Variants in RAB14 observed in about 807,000 individuals in gnomAD.
RAB14 encodes the protein ras-related protein Rab-14.
RAB14 carries 3 observed loss-of-function variants against 31.1 expected under a neutral mutation model. That is an observed-to-expected ratio of 0.10 (90% CI 0.04 to 0.25). RAB14 has a LOEUF of 0.25. Ranked by LOEUF, RAB14 falls within the 10% of genes least tolerant of loss-of-function variation. The probability of loss-of-function intolerance (pLI) is 1.00; values close to 1 mark genes in which losing one functional copy is unlikely to be tolerated. For synonymous variants in RAB14, 85 were observed against 84.9 expected (o/e 1.00, Z 0.00); for missense variants, 111 against 260.1 (o/e 0.43, Z 3.94).
At position 121,180,287 on chromosome 9, in the gene RAB14, T is replaced by A. The variant is rs1189694482; in HGVS notation, c.*1109A>T. ...TCTGACCATTCCAAGAAGATAAAGGTATAAAAGCTTAAAATGTGCAATAGT... is the reference window on the plus strand; with the variant it reads ...TCTGACCATTCCAAGAAGATAAAGGAATAAAAGCTTAAAATGTGCAATAGT... On this transcript the variant is annotated 3_prime_UTR_variant, in exon 8 of 8. Transcript: ENST00000373840. 6.6e-6 allele frequency: 1 copy of A among 152,610 alleles called. No homozygotes were observed. The allele number at this position is 152,610 out of a possible 1,614,324, so 9.5% of individuals were successfully genotyped here.
chr9:121,189,587 T>G (rs183441812), intron 4 of RAB14, among the ~76,000 whole-genome samples: 4 of 152,218 alleles, frequency 2.6e-5, no homozygotes, highest in Non-Finnish European at 5.9e-5. Context: ...TAAGGCAGCA[T>G]TTCCCAAAGT....
At chr9:121,184,175 T>C (rs776287002) in intron 5 of RAB14, among the ~76,000 whole-genome samples, 8 of 152,036 alleles carry the variant, frequency 5.3e-5, no homozygotes, top group South Asian at 4.2e-4. Flanking sequence ...CTAGAAAGGA[T>C]TGAGTTTATA....
chr9:121,190,517 A>C, intron 4 of RAB14, 37 bp downstream of exon 4: 1 of 1,519,582 alleles, frequency 6.6e-7, no homozygotes. Flanking sequence ...AAGTAGATTT[A>C]TTTTCCCCAT....
At chr9:121,193,499 G>T in intron 1 of RAB14, 80 bp from the exon 2 acceptor site, 1 of 897,790 alleles carries the variant, frequency 1.1e-6, no homozygotes, top group Non-Finnish European at 1.7e-6. Flanking sequence ...ATCCTTTAAA[G>T]GTAGAAAAGG....
chr9:121,198,499 C>A (rs1271791512), intron 1 of RAB14, among the ~76,000 whole-genome samples: 1 of 152,162 alleles, frequency 6.6e-6, no homozygotes, highest in Non-Finnish European at 1.5e-5. Context: ...ATAATTTTTA[C>A]ATAGCTGATC....
intron 1 of RAB14, among the ~76,000 whole-genome samples, chr9:121,201,077 C>CCGGCT (rs1333244729): frequency 6.6e-6 from 1 of 152,074 alleles, no homozygotes; most frequent in Non-Finnish European, 1.5e-5. Context: ...CCGGCCCGGC[C>CCGGCT]CGGCTGCAGG....
intron 4 of RAB14, among the ~76,000 whole-genome samples, chr9:121,189,232 T>A (rs1020308520): frequency 6.6e-6 from 1 of 152,110 alleles, no homozygotes; most frequent in Non-Finnish European, 1.5e-5. Context: ...CTGAAGTACT[T>A]TTTTTGATGA....
chr9:121,190,862 CT>C, intron 3 of RAB14, 131 bp from the exon 4 acceptor site: 2 of 832,838 alleles, frequency 2.4e-6, no homozygotes, highest in Non-Finnish European at 3.5e-6. Flanking sequence ...AAAGCTACCG[CT>C]AAAAAAAAAA....
chr9:121,200,150 A>C (rs1264706856), intron 1 of RAB14, among the ~76,000 whole-genome samples: 1 of 152,182 alleles, frequency 6.6e-6, no homozygotes, highest in East Asian at 1.9e-4. Flanking sequence ...TGGAGGGAGA[A>C]CCCTTGACAG....
chr9:121,187,105 T>A (rs1443583408), intron 4 of RAB14, 86 bp from the exon 5 acceptor site: 1 of 710,430 alleles, frequency 1.4e-6, no homozygotes, highest in African/African-American at 1.9e-5. Context: ...TTAATCAACA[T>A]ATCCTAAAAT....
At position 121,181,116 on chromosome 9, in the gene RAB14, A is replaced by G; in HGVS notation, c.*280T>C. ...GAAGTCCAGCATCAGTGCTCGGTTTAAATCATATATTGGTGACATACTTAT... is the reference window on the plus strand; with the variant it reads ...GAAGTCCAGCATCAGTGCTCGGTTTGAATCATATATTGGTGACATACTTAT... On this transcript the variant is annotated 3_prime_UTR_variant, in exon 8 of 8. Coordinates refer to ENST00000373840, the MANE Select transcript of RAB14 (RefSeq NM_016322.4). The G allele has an allele frequency of 3.7e-6, 1 of 273,804 alleles. No individual in the cohort carries two copies. The highest frequency in any genetic ancestry group is 6.8e-6 in the Non-Finnish European group (1 of 146,944). 17.0% of individuals were successfully genotyped at this position (273,804 alleles called of 1,614,324 possible). A position where few individuals can be genotyped will look rare whatever the true frequency, so the allele number is the denominator to read the frequency against.
intron 4 of RAB14, among the ~76,000 whole-genome samples, chr9:121,188,711 G>T (rs1374491434): frequency 6.6e-6 from 1 of 151,946 alleles, no homozygotes; most frequent in Non-Finnish European, 1.5e-5. Flanking sequence ...GAAAAAAATT[G>T]CTGTCATGAC....
intron 1 of RAB14, among the ~76,000 whole-genome samples, chr9:121,194,978 T>G (rs1024173492): frequency 3.3e-5 from 5 of 152,164 alleles, no homozygotes; most frequent in Non-Finnish European, 7.4e-5. Context: ...ATCAGTCTCC[T>G]GCATCACAGA....
chr9:121,195,152 A>C (rs1048219216), intron 1 of RAB14, among the ~76,000 whole-genome samples: 2 of 152,124 alleles, frequency 1.3e-5, no homozygotes, highest in Admixed American at 6.6e-5. Flanking sequence ...TATTTACCTG[A>C]TCTCTGAACC....
Position 121,181,117 on chromosome 9 carries a change from A to T in RAB14, c.*279T>A, listed in dbSNP as rs1352088771. On this transcript the variant is annotated 3_prime_UTR_variant, in exon 8 of 8. Transcript: ENST00000373840. ...AAGTCCAGCATCAGTGCTCGGTTTA[A>T]ATCATATATTGGTGACATACTTATC... 1 of 276,750 alleles carries T rather than the reference A, an allele frequency of 3.6e-6. No homozygotes were observed. Among genetic ancestry groups the T allele is most frequent in the African/African-American group, 2.2e-5 (1 of 46,010 alleles). 17.1% of individuals were successfully genotyped at this position (276,750 alleles called of 1,614,324 possible).
chr9:121,182,922 A>G lies in RAB14; in HGVS notation c.470+8T>C. ...TAATTGAAATATCTGTATTTTGGTC[A>G]CACTTACGTTTTTGCACTCGCTTCG... On this transcript the variant is annotated splice_region_variant and intron_variant, in intron 7 of 7. Coordinates refer to ENST00000373840, the MANE Select transcript of RAB14 (RefSeq NM_016322.4). The G allele has an allele frequency of 6.2e-7, 1 of 1,605,312 alleles. No homozygotes were observed. The highest frequency in any genetic ancestry group is 8.5e-7 in the Non-Finnish European group (1 of 1,174,172).
At chr9:121,181,622 A>G (rs1273021008) in intron 7 of RAB14, 49 bp from the exon 8 acceptor site, 1 of 1,469,340 alleles carries the variant, frequency 6.8e-7, no homozygotes, top group Admixed American at 1.8e-5. Flanking sequence ...TTTCTACAAA[A>G]GACAAGACAC....
At chr9:121,193,246 TTTTAC>T (rs2053696457) in intron 2 of RAB14, 110 bp downstream of exon 2, 2 of 685,856 alleles carry the variant, frequency 2.9e-6, no homozygotes, top group African/African-American at 3.8e-5. Context: ...GGAGTTTTAG[TTTTAC>T]AGTAAGAAAA....
intron 5 of RAB14, among the ~76,000 whole-genome samples, chr9:121,183,856 G>T (rs1425581505): frequency 1.3e-5 from 2 of 152,120 alleles, no homozygotes; most frequent in African/African-American, 4.8e-5. Context: ...GATTACTAAG[G>T]GTTCATGGAC....
Sources: gnomAD v4.1 joint callset for allele counts (sites outside exome capture counted in the v4.1 genomes callset) on GRCh38, gnomAD v4.1.1 for gene constraint, MANE v1.5 for transcripts, NCBI Gene and HGNC (gene_info 2026-07-23, HGNC 2026-07-21) for gene names.